KCNMB2: variants seen among roughly 807,000 people sequenced by gnomAD.
The protein encoded by KCNMB2 is calcium-activated potassium channel subunit beta-2.
A neutral mutation model predicts 24.5 loss-of-function variants in KCNMB2; 9 were observed. The observed-to-expected ratio is 0.37, with a 90% confidence interval of 0.22 to 0.64. The LOEUF (loss-of-function observed/expected upper bound fraction) is 0.64. KCNMB2 is among the 30% of genes least tolerant of loss of function. The pLI is 0.63. For missense variants in KCNMB2, 226 were observed against 284.3 expected, an observed-to-expected ratio of 0.79 and a Z score of 1.47; for synonymous variants, 109 against 104.4, an observed-to-expected ratio of 1.04 and a Z score of -0.27.
chr3:178,628,676 C>G (rs985882879), intron 1 of KCNMB2, among the ~76,000 whole-genome samples: 1 of 152,084 alleles, frequency 6.6e-6, no homozygotes, highest in African/African-American at 2.4e-5. Flanking sequence ...ACGTGATAAA[C>G]TTTACCATAG....
At chr3:178,583,751 G>A (rs1717303875) in intron 1 of KCNMB2, among the ~76,000 whole-genome samples, 2 of 152,168 alleles carry the variant, frequency 1.3e-5, no homozygotes, top group Non-Finnish European at 2.9e-5. Context: ...TTTTGAAGAA[G>A]AAAGGAGATA....
intron 1 of KCNMB2, among the ~76,000 whole-genome samples, chr3:178,586,495 G>A (rs950134131): frequency 8.7e-5 from 13 of 150,098 alleles, no homozygotes; most frequent in Non-Finnish European, 1.9e-4. Context: ...AAGAATAGAA[G>A]GAGGTGGGGA....
chr3:178,714,144 CA>C, intron 1 of KCNMB2, among the ~76,000 whole-genome samples: 1 of 151,512 alleles, frequency 6.6e-6, no homozygotes, highest in Non-Finnish European at 1.5e-5. Context: ...CCTTCAGTCA[CA>C]CACACACACA....
At chr3:178,610,181 C>A (rs1022489085) in intron 1 of KCNMB2, among the ~76,000 whole-genome samples, 1 of 152,104 alleles carries the variant, frequency 6.6e-6, no homozygotes, top group Non-Finnish European at 1.5e-5. Flanking sequence ...TACTGTAGCT[C>A]TGTAGTATAC....
chr3:178,778,488 A>G (rs1712688928), intron 1 of KCNMB2, among the ~76,000 whole-genome samples: 1 of 104,178 alleles, frequency 9.6e-6, no homozygotes, highest in Non-Finnish European at 2.1e-5. Flanking sequence ...ACACACACAC[A>G]CACACACACA....
intron 1 of KCNMB2, among the ~76,000 whole-genome samples, chr3:178,667,472 A>C (rs1395796453): frequency 1.3e-5 from 2 of 152,130 alleles, no homozygotes; most frequent in African/African-American, 4.8e-5. Flanking sequence ...CCCTCCCAAG[A>C]CGCCAAATGC....
In KCNMB2 at chr3:178,761,745, A is replaced by G. The variant is rs555200052; in HGVS notation, c.-67-45598A>G. On this transcript the variant is annotated intron_variant, in intron 1 of 4. Transcript: ENST00000452583. Reference sequence around the variant, plus strand: ...CTGGGAGCTATGCCAAGCACTGAAGAAAAGCTATAAAAAAAATATAGACAA... The same window carrying G: ...CTGGGAGCTATGCCAAGCACTGAAGGAAAGCTATAAAAAAAATATAGACAA... 3.5e-4 allele frequency among the ~76,000 whole-genome samples: 54 copies of G among 152,362 alleles called. 1 individual carries two copies. In the South Asian group the frequency reaches 0.011, roughly 31 times the overall value.
intron 1 of KCNMB2, among the ~76,000 whole-genome samples, chr3:178,542,010 G>A (rs530144135): frequency 1.3e-5 from 2 of 152,218 alleles, no homozygotes; most frequent in East Asian, 3.9e-4. Context: ...AGTTTATCCT[G>A]TGCAGTCTAA....
intron 1 of KCNMB2, among the ~76,000 whole-genome samples, chr3:178,556,483 C>T (rs1716126594): frequency 6.6e-6 from 1 of 152,176 alleles, no homozygotes; most frequent in African/African-American, 2.4e-5. Context: ...TGGCTTGCTG[C>T]AACCTCCGCC....
At chr3:178,643,814 G>A (rs1295276406) in intron 1 of KCNMB2, among the ~76,000 whole-genome samples, 1 of 152,090 alleles carries the variant, frequency 6.6e-6, no homozygotes, top group Non-Finnish European at 1.5e-5. Flanking sequence ...AATCTACATT[G>A]CCTGTTGTGA....
At chr3:178,566,242 C>T (rs533656050) in intron 1 of KCNMB2, among the ~76,000 whole-genome samples, 16 of 152,218 alleles carry the variant, frequency 1.1e-4, no homozygotes, top group East Asian at 1.9e-4. Context: ...CAACTTTTTC[C>T]GGCCTATTAA....
intron 1 of KCNMB2, among the ~76,000 whole-genome samples, chr3:178,638,319 C>A (rs545790859): frequency 6.6e-6 from 1 of 152,180 alleles, no homozygotes; most frequent in South Asian, 2.1e-4. Flanking sequence ...TTTTTTGGTT[C>A]ATTTCCTTCT....
chr3:178,811,829 C>T (rs976227277), intron 2 of KCNMB2, among the ~76,000 whole-genome samples: 4 of 152,084 alleles, frequency 2.6e-5, no homozygotes, highest in African/African-American at 9.7e-5. Flanking sequence ...TGCTCAACAG[C>T]CTTGTTTAGA....
Position 178,739,292 on chromosome 3 carries a change from T to C in KCNMB2, c.-67-68051T>C, listed in dbSNP as rs146886766. ...TTACCTGCCCGCCTCAAGTGATAAG[T>C]TGAAGGAGAGACTTCTATGTCAAAG... On this transcript the variant is annotated intron_variant, in intron 1 of 4. Transcript: ENST00000452583. Among the ~76,000 whole-genome samples the C allele has an allele frequency of 2.0e-5, 3 of 152,296 alleles. No individual in the cohort carries two copies. In the East Asian group the frequency reaches 5.8e-4, roughly 29 times the overall value.
At chr3:178,581,571 T>C (rs896905749) in intron 1 of KCNMB2, among the ~76,000 whole-genome samples, 3 of 151,924 alleles carry the variant, frequency 2.0e-5, no homozygotes, top group Non-Finnish European at 2.9e-5. Context: ...ATCATCAGAG[T>C]GGTCAGGCAA....
chr3:178,781,729 C>T (rs1415858830), intron 1 of KCNMB2, among the ~76,000 whole-genome samples: 1 of 151,492 alleles, frequency 6.6e-6, no homozygotes, highest in Non-Finnish European at 1.5e-5. Context: ...GTTTTCTGGC[C>T]TAAATCATTT....
intron 1 of KCNMB2, among the ~76,000 whole-genome samples, chr3:178,688,717 T>G (rs1304887409): frequency 6.6e-6 from 1 of 152,192 alleles, no homozygotes; most frequent in Non-Finnish European, 1.5e-5. Context: ...AGTTTCTAGC[T>G]CAAATTTAAA....
At chr3:178,595,900 G>A (rs1717851533) in intron 1 of KCNMB2, among the ~76,000 whole-genome samples, 1 of 152,026 alleles carries the variant, frequency 6.6e-6, no homozygotes, top group Non-Finnish European at 1.5e-5. Context: ...TCTTTACTGG[G>A]CACCATTCAG....
At chr3:178,594,645 T>A (rs1208510840) in intron 1 of KCNMB2, among the ~76,000 whole-genome samples, 1 of 152,116 alleles carries the variant, frequency 6.6e-6, no homozygotes, top group Non-Finnish European at 1.5e-5. Context: ...CAAGTCAGGA[T>A]GCCTTGTAGA....
Sources: gnomAD v4.1 joint callset for allele counts (sites outside exome capture counted in the v4.1 genomes callset) on GRCh38, gnomAD v4.1.1 for gene constraint, MANE v1.5 for transcripts, NCBI Gene and HGNC (gene_info 2026-07-23, HGNC 2026-07-21) for gene names.